The following TRAPPC12 variants were observed in gnomAD, a reference collection of about 807,000 sequenced individuals.
TRAPPC12 encodes trafficking protein particle complex subunit 12.
Under a neutral mutation model 69.2 loss-of-function variants are expected in TRAPPC12, and 61 were observed. That is an observed-to-expected ratio of 0.88 (90% CI 0.72 to 1.09). The LOEUF (loss-of-function observed/expected upper bound fraction) is 1.09, where lower values mean the gene tolerates loss of function less well. Ranked by LOEUF, TRAPPC12 falls within the 50% of genes least tolerant of loss-of-function variation. The pLI, the probability that TRAPPC12 is intolerant of heterozygous loss-of-function variation, is 0.00. For missense variants in TRAPPC12, 1,101 were observed against 1,016.4 expected, an observed-to-expected ratio of 1.08 and a Z score of -1.13; for synonymous variants, 469 against 438.9, an observed-to-expected ratio of 1.07 and a Z score of -0.86.
rs187637356 is a variant in TRAPPC12, at chr2:3,457,826, C to T, written c.1603+133C>T. 1.4e-4 allele frequency: 208 copies of T among 1,459,910 alleles called. 2 individuals carry two copies. The East Asian group carries it at 4.9e-3, about 34-fold the overall frequency. The allele number at this position is 1,459,910 out of a possible 1,614,324, so 90.4% of individuals were successfully genotyped here. On this transcript the variant is annotated intron_variant, in intron 7 of 11. Coordinates refer to ENST00000324266, the MANE Select transcript of TRAPPC12 (RefSeq NM_016030.6). ...CTGCACGTGTCCACTCGTGCATTTG[C>T]AACTCACTCCTTTCTTGGGGAAGCC...
At chr2:3,475,930 A>G (rs2103175434) in intron 9 of TRAPPC12, among the ~76,000 whole-genome samples, 1 of 152,298 alleles carries the variant, frequency 6.6e-6, no homozygotes, top group African/African-American at 2.4e-5. Flanking sequence ...GGTCTTGATG[A>G]TGGGCTGTAA....
intron 3 of TRAPPC12, among the ~76,000 whole-genome samples, chr2:3,402,443 G>T (rs1473136652): frequency 6.6e-6 from 1 of 152,096 alleles, no homozygotes; most frequent in Non-Finnish European, 1.5e-5. Flanking sequence ...ACAAAAATTA[G>T]CTGGGCATGG....
chr2:3,445,831 A>G (rs1664478989), intron 6 of TRAPPC12, among the ~76,000 whole-genome samples: 2 of 152,274 alleles, frequency 1.3e-5, no homozygotes, highest in Admixed American at 1.3e-4. Flanking sequence ...AAGAAAGGAC[A>G]GTGCTGTCCG....
intron 5 of TRAPPC12, among the ~76,000 whole-genome samples, chr2:3,436,311 A>C (rs1280116474): frequency 2.6e-5 from 4 of 152,172 alleles, no homozygotes; most frequent in African/African-American, 9.7e-5. Flanking sequence ...ATCTGATTTT[A>C]TCTTTTTTCA....
At chr2:3,456,859 T>C in intron 6 of TRAPPC12, 1 of 308,028 alleles carries the variant, frequency 3.2e-6, no homozygotes, top group South Asian at 2.5e-5. Context: ...GATTACAGGC[T>C]TGAGCCACCG....
chr2:3,427,247 C>T (rs1663157872), intron 5 of TRAPPC12, among the ~76,000 whole-genome samples: 1 of 152,222 alleles, frequency 6.6e-6, no homozygotes, highest in Non-Finnish European at 1.5e-5. Flanking sequence ...CGCCTCCAAC[C>T]CCGCCCTCCC....
Position 3,461,962 on chromosome 2 carries a change from G to A in TRAPPC12, c.1677+1626G>A, listed in dbSNP as rs529271494. On this transcript the variant is annotated intron_variant, in intron 8 of 11. Coordinates refer to ENST00000324266, the MANE Select transcript of TRAPPC12 (RefSeq NM_016030.6). ...GCCAGCCCTGACACCCCCACCTGGC[G>A]GTCTGGGCGGTCCGCAGTAGGCCTC... Among the ~76,000 whole-genome samples the A allele has an allele frequency of 2.0e-3, 307 of 152,336 alleles. 3 individuals carry two copies. Among genetic ancestry groups the A allele is most frequent in the African/African-American group, 7.1e-3 (294 of 41,574 alleles).
chr2:3,475,919 C>T (rs978023441), intron 9 of TRAPPC12, among the ~76,000 whole-genome samples: 7 of 152,364 alleles, frequency 4.6e-5, no homozygotes, highest in East Asian at 1.9e-4. Flanking sequence ...TAATCTTGAT[C>T]GGTCTTGATG....
chr2:3,461,236 C>A (rs1257212400), intron 8 of TRAPPC12, among the ~76,000 whole-genome samples: 1 of 152,206 alleles, frequency 6.6e-6, no homozygotes, highest in African/African-American at 2.4e-5. Context: ...CTGCAGCATC[C>A]CCAGAGGTGA....
At chr2:3,461,439 T>C (rs1024978287) in intron 8 of TRAPPC12, among the ~76,000 whole-genome samples, 1 of 152,198 alleles carries the variant, frequency 6.6e-6, no homozygotes, top group Non-Finnish European at 1.5e-5. Flanking sequence ...AGACTCGGCG[T>C]CCTGTTCATC....
At chr2:3,438,480 A>AG (rs1664001911) in intron 5 of TRAPPC12, among the ~76,000 whole-genome samples, 2 of 26,284 alleles carry the variant, frequency 7.6e-5, no homozygotes, top group Non-Finnish European at 1.5e-4. Context: ...TACCCCCACC[A>AG]GCCCTGGATT....
intron 6 of TRAPPC12, among the ~76,000 whole-genome samples, chr2:3,447,183 C>T (rs1446292242): frequency 6.6e-6 from 1 of 151,962 alleles, no homozygotes; most frequent in Admixed American, 6.5e-5. Context: ...ACTGCAACCT[C>T]CACCTCCCAG....
intron 7 of TRAPPC12, chr2:3,460,010 A>T (rs1665400033): frequency 3.4e-6 from 2 of 594,548 alleles, no homozygotes; most frequent in East Asian, 5.9e-5. Context: ...GTCTGGGCTG[A>T]TGCTGAGCAG....
At chr2:3,471,080 G>C (rs1049366944) in intron 9 of TRAPPC12, among the ~76,000 whole-genome samples, 4 of 152,208 alleles carry the variant, frequency 2.6e-5, no homozygotes, top group African/African-American at 9.6e-5. Context: ...CCGGTCACAC[G>C]AGAAGATACA....
chr2:3,395,127 C>T (rs1365538523), intron 2 of TRAPPC12, among the ~76,000 whole-genome samples: 1 of 152,156 alleles, frequency 6.6e-6, no homozygotes, highest in Non-Finnish European at 1.5e-5. Context: ...CACAGTATTT[C>T]ATGTTTCCGT....
At chr2:3,463,390 C>CGGCGGGTGCAGG (rs1665615537) in intron 8 of TRAPPC12, among the ~76,000 whole-genome samples, 2 of 151,594 alleles carry the variant, frequency 1.3e-5, no homozygotes, top group African/African-American at 4.9e-5. Flanking sequence ...GAGTGGCTGC[C>CGGCGGGTGCAGG]GGCGGGTGCA....
At chr2:3,415,046 A>G (rs1266962735) in intron 3 of TRAPPC12, among the ~76,000 whole-genome samples, 1 of 152,150 alleles carries the variant, frequency 6.6e-6, no homozygotes, top group Admixed American at 6.5e-5. Context: ...TTGGTATCCC[A>G]GGAGTCCTGG....
In TRAPPC12 at chr2:3,403,071, ACT is replaced by A. The variant is rs150981812; in HGVS notation, c.1164+1182_1164+1183del. On this transcript the variant is annotated intron_variant, in intron 3 of 11. Transcript: ENST00000324266. ...TATTTCAGCGGCACATGGTCCAGAC[ACT>A]CTCCATTTGGGTGAACAATCTGGAG... 5.2e-3 allele frequency among the ~76,000 whole-genome samples: 789 copies of A among 151,910 alleles called. 18 individuals carry two copies. The highest frequency in any genetic ancestry group is 0.023 in the East Asian group (118 of 5,154).
intron 5 of TRAPPC12, among the ~76,000 whole-genome samples, chr2:3,440,796 G>A (rs1350274170): frequency 6.6e-6 from 1 of 152,126 alleles, no homozygotes; most frequent in Non-Finnish European, 1.5e-5. Context: ...AGCTGCAGTT[G>A]TTTTGTAGAT....
Sources: allele counts gnomAD v4.1 joint callset (sites outside exome capture counted in the v4.1 genomes callset), GRCh38; gene constraint gnomAD v4.1.1; transcripts MANE v1.5; gene names NCBI Gene and HGNC (gene_info 2026-07-23, HGNC 2026-07-21).